NBPF26: variants seen among roughly 807,000 people sequenced by gnomAD.
NBPF26 encodes NBPF member 26.
In NBPF26, 79 loss-of-function variants were observed where a neutral mutation model predicts 119.6. That is an observed-to-expected ratio of 0.66 (90% CI 0.55 to 0.80). The LOEUF (loss-of-function observed/expected upper bound fraction) is 0.80. Ranked by LOEUF, NBPF26 falls within the 30% of genes least tolerant of loss-of-function variation. The pLI, the probability that NBPF26 is intolerant of heterozygous loss-of-function variation, is 0.00. For synonymous variants in NBPF26, 299 were observed against 457.7 expected (o/e 0.65, Z 4.43); for missense variants, 800 against 1,198.2 (o/e 0.67, Z 4.91).
downstream of NBPF26, chr1:120,840,858 T>A (rs1393964722): frequency 7.8e-6 from 4 of 509,616 alleles, 1 homozygote; most frequent in South Asian, 9.6e-5. Context: ...GAACCACGTA[T>A]CTCTGGGTAG....
rs2101457058 is a variant in NBPF26, at chr1:120,786,347, C to T, written c.415+1114C>T. Among the ~76,000 whole-genome samples the T allele has an allele frequency of 1.9e-5, 2 of 103,522 alleles. 1 individual carries two copies. Among genetic ancestry groups the T allele is most frequent in the South Asian group, 5.6e-4 (2 of 3,548 alleles). The allele number at this position is 103,522 out of a possible 152,430, so 67.9% of individuals were successfully genotyped here. ...GTTGCCTTTCACCTGTCTATTCCTC[C>T]CATTTCCTCTGCTACCCTGTAGTTG... On this transcript the variant is annotated intron_variant, in intron 3 of 29. Transcript: ENST00000620612.
In NBPF26 at chr1:120,840,406, A is replaced by T. The variant is rs1553273447; in HGVS notation, c.4160A>T (p.Asp1387Val). ...CCTGAAGTCTTGCAGGACTCACTGGATATATGTTATTCGACTCCGTCAATG... is the reference window on the plus strand; with the variant it reads ...CCTGAAGTCTTGCAGGACTCACTGGTTATATGTTATTCGACTCCGTCAATG... The change falls in exon 30 of 30, where the codon GAT becomes GTT. Residue 1387 changes from aspartate to valine, a missense_variant. Transcript: ENST00000620612. The T allele has an allele frequency of 1.9e-5, 28 of 1,464,858 alleles. 7 individuals carry two copies. In the African/African-American group the frequency reaches 5.0e-4, roughly 26 times the overall value. The allele number at this position is 1,464,858 out of a possible 1,614,324, so 90.7% of individuals were successfully genotyped here. A position where few individuals can be genotyped will look rare whatever the true frequency, so the allele number is the denominator to read the frequency against.
chr1:120,840,332 T>G lies in NBPF26; in HGVS notation c.4104-18T>G. ...CGATTTTCCCTGGCTGCTTCTTTAG[T>G]TTTGTCTCCTTTTGCAGGCTCAACA... On this transcript the variant is annotated intron_variant, in intron 29 of 29. Coordinates refer to ENST00000620612, the Ensembl canonical transcript of NBPF26. 1 of 1,445,092 alleles carries G rather than the reference T, an allele frequency of 6.9e-7. No individual in the cohort carries two copies. Among genetic ancestry groups the G allele is most frequent in the Non-Finnish European group, 9.2e-7 (1 of 1,082,790 alleles). The allele number at this position is 1,445,092 out of a possible 1,614,324, so 89.5% of individuals were successfully genotyped here. A position where few individuals can be genotyped will look rare whatever the true frequency, so the allele number is the denominator to read the frequency against.
intron 1 of NBPF26, among the ~76,000 whole-genome samples, 177 bp from the exon 2 acceptor site, chr1:120,763,451 T>C (rs1314499756): frequency 9.2e-6 from 1 of 108,318 alleles, no homozygotes. Flanking sequence ...TGTTGGAAGA[T>C]AGTTTTGGGA....
At position 120,805,663 on chromosome 1, in the gene NBPF26, C is replaced by G. The variant is rs1571033196; in HGVS notation, c.859C>G (p.Arg287Gly). Residue 287 changes from arginine (R) to glycine (G), a missense_variant, in exon 5 of 30, where the codon CGC becomes GGC. Coordinates refer to ENST00000620612, the Ensembl canonical transcript of NBPF26. ...CATTCTAGAAATCAACGAGACATTG[C>G]GCCCCCAGCTGCCAGAGAACAAACA... 1.4e-5 allele frequency: 21 copies of G among 1,456,570 alleles called. 5 individuals are homozygous for G. The highest frequency in any genetic ancestry group is 1.9e-5 in the Non-Finnish European group (21 of 1,077,552). 90.2% of individuals were successfully genotyped at this position (1,456,570 alleles called of 1,614,324 possible). A position where few individuals can be genotyped will look rare whatever the true frequency, so the allele number is the denominator to read the frequency against.
intron 1 of NBPF26, among the ~76,000 whole-genome samples, chr1:120,763,370 G>A (rs1651153507): frequency 2.0e-5 from 2 of 100,776 alleles, no homozygotes; most frequent in South Asian, 5.8e-4. Flanking sequence ...TTGGGAGATG[G>A]AGATGTAACA....
rs1652447342 is a variant in NBPF26, at chr1:120,838,494, C to G, written c.3822-251C>G. Among the ~76,000 whole-genome samples, 5 of 78,588 alleles carry G rather than the reference C, an allele frequency of 6.4e-5. No homozygotes were observed. In the South Asian group the frequency reaches 2.9e-3, roughly 46 times the overall value. 51.6% of individuals were successfully genotyped at this position (78,588 alleles called of 152,430 possible). A position where few individuals can be genotyped will look rare whatever the true frequency, so the allele number is the denominator to read the frequency against. ...CTGGACAATTCACTGAGCTCGTTCT[C>G]TCTCTCTCTCTCTCTGTGTGTGTGT... On this transcript the variant is annotated intron_variant, in intron 27 of 29. Transcript: ENST00000620612.
Position 120,776,219 on chromosome 1 carries a change from G to A in NBPF26, c.156-8755G>A, listed in dbSNP as rs1467667961. Among the ~76,000 whole-genome samples the A allele has an allele frequency of 1.0e-4, 12 of 116,818 alleles. 4 individuals carry two copies. The South Asian group carries it at 2.0e-3, about 19-fold the overall frequency. 76.6% of individuals were successfully genotyped at this position (116,818 alleles called of 152,430 possible). A position where few individuals can be genotyped will look rare whatever the true frequency, so the allele number is the denominator to read the frequency against. ...AGATAATCATAATAAGGGCTAATGA[G>A]TAACACAGGCTCAGGGTTATTAAGA... On this transcript the variant is annotated intron_variant, in intron 2 of 29. Transcript: ENST00000620612.
In NBPF26 at chr1:120,781,803, C is replaced by G. The variant is rs1459154588; in HGVS notation, c.156-3171C>G. On this transcript the variant is annotated intron_variant, in intron 2 of 29. Coordinates refer to ENST00000620612, the Ensembl canonical transcript of NBPF26. The stretch of plus-strand genomic sequence containing the variant: ...TCGATCTCCTGACCTGGTGATCTGC[C>G]TGCCTCGGCCTCCCAAAGTGCTGAG... 2.6e-3 allele frequency among the ~76,000 whole-genome samples: 307 copies of G among 117,158 alleles called. 36 individuals carry two copies. The East Asian group carries it at 0.055, about 21-fold the overall frequency. 76.9% of individuals were successfully genotyped at this position (117,158 alleles called of 152,430 possible). A position where few individuals can be genotyped will look rare whatever the true frequency, so the allele number is the denominator to read the frequency against.
At chr1:120,795,920 A>T (rs1300368818) in intron 4 of NBPF26, among the ~76,000 whole-genome samples, 1 of 19,608 alleles carries the variant, frequency 5.1e-5, no homozygotes, top group Non-Finnish European at 1.0e-4. Context: ...ACATATCAAT[A>T]TGTGTGTGTG....
intron 1 of NBPF26, among the ~76,000 whole-genome samples, chr1:120,755,942 T>G (rs1275372832): frequency 0.79 from 76,089 of 96,122 alleles, 33,595 homozygotes; most frequent in African/African-American, 0.89. Flanking sequence ...GCTTTTTTTT[T>G]TTTTTTTTTT....
At chr1:120,813,902 T>C (rs1461278588) in exon 11 of NBPF26, 1 of 1,495,246 alleles carries the variant, frequency 6.7e-7, no homozygotes, top group Admixed American at 1.7e-5. Context: ...ATATGAAGAG[T>C]GCAAAGATCT....
In NBPF26 at chr1:120,790,089, C is replaced by A. The variant is rs1651467360; in HGVS notation, c.416-3072C>A. On this transcript the variant is annotated intron_variant, in intron 3 of 29. Transcript: ENST00000620612. ...TGGAGTGCAGGGCGCAATCTCGGTT[C>A]ACTGCAAGTTCCACCTCCCGGGTTC... Among the ~76,000 whole-genome samples the A allele has an allele frequency of 3.7e-5, 3 of 81,330 alleles. 1 individual carries two copies. Among genetic ancestry groups the A allele is most frequent in the African/African-American group, 1.9e-4 (2 of 10,514 alleles). The allele number at this position is 81,330 out of a possible 152,430, so 53.4% of individuals were successfully genotyped here. A position where few individuals can be genotyped will look rare whatever the true frequency, so the allele number is the denominator to read the frequency against.
Position 120,824,122 on chromosome 1 carries a change from G to A in NBPF26, c.2788G>A (p.Val930Ile), listed in dbSNP as rs1553272483. 8.8e-6 allele frequency: 4 copies of A among 454,592 alleles called. No individual in the cohort carries two copies. In the Admixed American group the frequency reaches 1.3e-4, roughly 14 times the overall value. 28.2% of individuals were successfully genotyped at this position (454,592 alleles called of 1,614,324 possible). The change falls in exon 18 of 30, where the codon GTT (valine) becomes ATT (isoleucine). Residue 930 changes from valine (V) to isoleucine (I), a missense_variant. This residue lies in a region of NBPF26 where 73 missense variants were observed against 50.7 expected (regional missense o/e 1.44). Transcript: ENST00000620612. ...CTTTTACGTATTGGAGCAACAGCGTGTTGGCTTGGCTGTTGACATGGATGG... is the reference window on the plus strand; with the variant it reads ...CTTTTACGTATTGGAGCAACAGCGTATTGGCTTGGCTGTTGACATGGATGG...
chr1:120,755,933 CT>C lies in NBPF26; in HGVS notation c.74-7673del, dbSNP rs1168463033. The stretch of plus-strand genomic sequence containing the variant: ...AACAAAATCGATTTATCTCTTATTG[CT>C]TTTTTTTTTTTTTTTTTTTTTCCTT... On this transcript the variant is annotated intron_variant, in intron 1 of 29. Coordinates refer to ENST00000620612, the Ensembl canonical transcript of NBPF26. 3.4e-3 allele frequency among the ~76,000 whole-genome samples: 297 copies of C among 87,300 alleles called. 13 individuals carry two copies. Among genetic ancestry groups the C allele is most frequent in the Middle Eastern group, 0.015 (3 of 196 alleles). The allele number at this position is 87,300 out of a possible 152,430, so 57.3% of individuals were successfully genotyped here.
At position 120,816,937 on chromosome 1, in the gene NBPF26, T is replaced by A. The variant is rs1652020948; in HGVS notation, c.2371+110T>A. 8 of 1,122,686 alleles carry A rather than the reference T, an allele frequency of 7.1e-6. 1 individual carries two copies. The highest frequency in any genetic ancestry group is 9.9e-6 in the Non-Finnish European group (8 of 808,252). 69.5% of individuals were successfully genotyped at this position (1,122,686 alleles called of 1,614,324 possible). On this transcript the variant is annotated intron_variant, in intron 14 of 29. Coordinates refer to ENST00000620612, the Ensembl canonical transcript of NBPF26. ...CATTTGAATAAAAAACTGTGATGGG[T>A]TTCTAAACAGATATCAGGGAGTTTT... is the stretch of plus-strand genomic sequence containing the variant.
Position 120,724,392 on chromosome 1 carries a change from G to C in NBPF26, c.73+142G>C, listed in dbSNP as rs1231344096. 12 of 1,348,650 alleles carry C rather than the reference G, an allele frequency of 8.9e-6. 3 individuals are homozygous for C. Among genetic ancestry groups the C allele is most frequent in the Non-Finnish European group, 1.2e-5 (12 of 1,032,840 alleles). The allele number at this position is 1,348,650 out of a possible 1,614,324, so 83.5% of individuals were successfully genotyped here. A position where few individuals can be genotyped will look rare whatever the true frequency, so the allele number is the denominator to read the frequency against. ...GTGAGGCCACTCGCTGGGTTCCCAA[G>C]AGTTTGGACATCGCCGGGGGCCCCT... is the stretch of plus-strand genomic sequence containing the variant. On this transcript the variant is annotated intron_variant, in intron 1 of 29. Transcript: ENST00000620612.
chr1:120,807,322 C>T (rs1204042576), intron 5 of NBPF26, among the ~76,000 whole-genome samples: 1 of 125,276 alleles, frequency 8.0e-6, no homozygotes, highest in Admixed American at 7.6e-5. Context: ...CATTCAGAGT[C>T]AGACCTCAGG....
chr1:120,793,647 A>T lies in NBPF26; in HGVS notation c.751+151A>T. ...GGGTTGCTAGTGAGGGAGGAGTTTT[A>T]TGGGCCCACTGTGGTCCATAAACTG... On this transcript the variant is annotated intron_variant, in intron 4 of 29. Coordinates refer to ENST00000620612, the Ensembl canonical transcript of NBPF26. The T allele has an allele frequency of 8.2e-6, 5 of 608,784 alleles. 2 individuals carry two copies. The highest frequency in any genetic ancestry group is 1.4e-5 in the Non-Finnish European group (5 of 344,950). 37.7% of individuals were successfully genotyped at this position (608,784 alleles called of 1,614,324 possible). A position where few individuals can be genotyped will look rare whatever the true frequency, so the allele number is the denominator to read the frequency against.
Sources: gnomAD v4.1 joint callset for allele counts (sites outside exome capture counted in the v4.1 genomes callset) on GRCh38, gnomAD v4.1.1 for gene constraint, gnomAD v4.1.1 regional missense constraint, MANE v1.5 for transcripts, NCBI Gene and HGNC (gene_info 2026-07-23, HGNC 2026-07-21) for gene names.